Variants in TXNRD1 observed in about 807,000 individuals in gnomAD.
The protein encoded by TXNRD1 is thioredoxin reductase 1, cytoplasmic.
In TXNRD1, 57 loss-of-function variants were observed where a neutral mutation model predicts 80.3. The ratio of observed to expected loss-of-function variants is 0.71; its 90% CI spans 0.57 to 0.89. The LOEUF is 0.89. Ranked by LOEUF, TXNRD1 falls within the 40% of genes least tolerant of loss-of-function variation. The pLI is 0.00. For synonymous variants in TXNRD1, 291 were observed against 285.2 expected (o/e 1.02, Z -0.20); for missense variants, 730 against 803.0 (o/e 0.91, Z 1.10).
intron 4 of TXNRD1, chr12:104,304,147 G>GGAA: frequency 6.2e-7 from 1 of 1,614,084 alleles, no homozygotes; most frequent in Non-Finnish European, 8.5e-7. Context: ...AGGCTCTGGA[G>GGAA]GAAGCCAACG....
intron 3 of TXNRD1, among the ~76,000 whole-genome samples, chr12:104,279,774 A>G (rs2033837241): frequency 6.6e-6 from 1 of 152,116 alleles, no homozygotes; most frequent in Non-Finnish European, 1.5e-5. Flanking sequence ...CAAAAAAACC[A>G]AAAAGTCTGG....
At chr12:104,271,745 A>C (rs2033656450) in intron 3 of TXNRD1, among the ~76,000 whole-genome samples, 1 of 152,110 alleles carries the variant, frequency 6.6e-6, no homozygotes, top group Admixed American at 6.6e-5. Context: ...GTATACGTGC[A>C]GGTCACAGGG....
intron 3 of TXNRD1, among the ~76,000 whole-genome samples, chr12:104,273,252 A>C (rs2033691170): frequency 6.6e-6 from 1 of 152,168 alleles, no homozygotes; most frequent in Admixed American, 6.6e-5. Context: ...TGAAGCAGAG[A>C]TCCAGCCAGT....
At chr12:104,265,696 G>C in intron 3 of TXNRD1, 1 of 1,603,862 alleles carries the variant, frequency 6.2e-7, no homozygotes. Context: ...CATGAAGGTG[G>C]AGGAGATCGC....
At chr12:104,316,102 A>G (rs1317431230) in intron 7 of TXNRD1, among the ~76,000 whole-genome samples, 4 of 152,224 alleles carry the variant, frequency 2.6e-5, no homozygotes, top group Non-Finnish European at 5.9e-5. Context: ...CATTTGGACT[A>G]TGGTATTTCT....
chr12:104,304,150 A>G (rs2034776896), intron 4 of TXNRD1: 10 of 1,614,070 alleles, frequency 6.2e-6, no homozygotes, highest in Non-Finnish European at 7.6e-6. Flanking sequence ...CTCTGGAGGA[A>G]GCCAACGTCC....
intron 4 of TXNRD1, among the ~76,000 whole-genome samples, chr12:104,301,111 G>T (rs1428004207): frequency 6.6e-6 from 1 of 151,438 alleles, no homozygotes; most frequent in Non-Finnish European, 1.5e-5. Context: ...TGAGCAAGTT[G>T]TGTGGGCTGT....
intron 3 of TXNRD1, among the ~76,000 whole-genome samples, chr12:104,272,915 G>T (rs937791119): frequency 6.6e-6 from 1 of 152,002 alleles, no homozygotes; most frequent in Non-Finnish European, 1.5e-5. Context: ...GCTTGAACCT[G>T]GGAGGCAGAG....
chr12:104,226,129 G>T (rs2032467740), intron 1 of TXNRD1, among the ~76,000 whole-genome samples: 1 of 152,108 alleles, frequency 6.6e-6, no homozygotes, highest in Non-Finnish European at 1.5e-5. Flanking sequence ...GAACCCTGGA[G>T]GTGGAAGTTG....
intron 7 of TXNRD1, among the ~76,000 whole-genome samples, chr12:104,318,684 T>A (rs1593830467): frequency 6.6e-6 from 1 of 152,254 alleles, no homozygotes; most frequent in Non-Finnish European, 1.5e-5. Flanking sequence ...TATTGTTATT[T>A]TAGTTTAAAA....
At chr12:104,256,331 G>A (rs78753728) in intron 2 of TXNRD1, among the ~76,000 whole-genome samples, 5,378 of 152,216 alleles carry the variant, frequency 0.035, 258 homozygotes, top group African/African-American at 0.11. Flanking sequence ...TGTGTTTTGC[G>A]TGCATCTTGC....
intron 1 of TXNRD1, among the ~76,000 whole-genome samples, chr12:104,216,994 C>T (rs1417731249): frequency 6.6e-6 from 1 of 152,154 alleles, no homozygotes; most frequent in Admixed American, 6.6e-5. Context: ...GGAGAACATT[C>T]TTGTTAGGGG....
chr12:104,298,569 C>A (rs1312059429), intron 4 of TXNRD1, among the ~76,000 whole-genome samples: 1 of 151,852 alleles, frequency 6.6e-6, no homozygotes, highest in African/African-American at 2.4e-5. Flanking sequence ...ACTAAAAATA[C>A]AAAACTTAGC....
intron 1 of TXNRD1, among the ~76,000 whole-genome samples, chr12:104,250,452 TG>T (rs2033095197): frequency 6.6e-6 from 1 of 152,208 alleles, no homozygotes; most frequent in Non-Finnish European, 1.5e-5. Flanking sequence ...ATTTTAAAGC[TG>T]TTTTTTTTAA....
chr12:104,292,311 G>A (rs553590180), intron 4 of TXNRD1, among the ~76,000 whole-genome samples: 6 of 152,216 alleles, frequency 3.9e-5, no homozygotes, highest in African/African-American at 7.2e-5. Flanking sequence ...TGGAGTACTC[G>A]TTAATTATGC....
At chr12:104,217,161 GAA>G in intron 1 of TXNRD1, among the ~76,000 whole-genome samples, 1 of 152,220 alleles carries the variant, frequency 6.6e-6, no homozygotes, top group East Asian at 1.9e-4. Flanking sequence ...TTAGTACAAT[GAA>G]GGAGTTTGAG....
chr12:104,238,386 A>C (rs12311576), intron 1 of TXNRD1, among the ~76,000 whole-genome samples: 11,585 of 152,306 alleles, frequency 0.076, 573 homozygotes, highest in Middle Eastern at 0.17. Context: ...CAAGTTAACT[A>C]AATGGATTGC....
intron 3 of TXNRD1, among the ~76,000 whole-genome samples, chr12:104,274,462 G>A (rs1226337751): frequency 3.3e-5 from 5 of 152,070 alleles, no homozygotes; most frequent in Admixed American, 1.3e-4. Context: ...TTGGGAGGCC[G>A]AGGCGGGTGG....
chr12:104,288,871 C>G, intron 3 of TXNRD1, 60 bp from the exon 4 acceptor site: 1 of 1,613,404 alleles, frequency 6.2e-7, no homozygotes, highest in Non-Finnish European at 8.5e-7. Flanking sequence ...CGGCGCAGTT[C>G]CCGCCTGTTA....
Sources: allele counts gnomAD v4.1 joint callset (sites outside exome capture counted in the v4.1 genomes callset), GRCh38; gene constraint gnomAD v4.1.1; transcripts MANE v1.5; gene names NCBI Gene and HGNC (gene_info 2026-07-23, HGNC 2026-07-21).